The following GALK2 variants were observed in gnomAD, a reference collection of about 807,000 sequenced individuals.
The protein encoded by GALK2 is N-acetylgalactosamine kinase.
GALK2 carries 36 observed loss-of-function variants against 52.4 expected under a neutral mutation model. That is an observed-to-expected ratio of 0.69 (90% CI 0.53 to 0.91). The LOEUF is 0.91. Ranked by LOEUF, GALK2 falls within the 40% of genes least tolerant of loss-of-function variation. The probability of loss-of-function intolerance (pLI) is 0.00; values close to 1 mark genes in which losing one functional copy is unlikely to be tolerated. For synonymous variants in GALK2, 176 were observed against 199.1 expected, an observed-to-expected ratio of 0.88 and a Z score of 0.98; for missense variants, 579 against 559.1, an observed-to-expected ratio of 1.04 and a Z score of -0.36.
intron 5 of GALK2, among the ~76,000 whole-genome samples, chr15:49,270,504 CTCTT>C (rs1204003961): frequency 2.0e-5 from 3 of 152,160 alleles, no homozygotes; most frequent in Admixed American, 6.5e-5. Context: ...GTTCACATGA[CTCTT>C]TCTTATAATG....
At chr15:49,356,152 A>C (rs1434194053) in intron 3 of GALK2, among the ~76,000 whole-genome samples, 1 of 152,216 alleles carries the variant, frequency 6.6e-6, no homozygotes, top group Non-Finnish European at 1.5e-5. Flanking sequence ...AAATGTAAAG[A>C]CCATCGAGAC....
chr15:49,360,231 T>C (rs1223384020), intron 3 of GALK2, among the ~76,000 whole-genome samples: 4 of 106,122 alleles, frequency 3.8e-5, no homozygotes, highest in Non-Finnish European at 4.0e-5. Flanking sequence ...CTAAAACTTA[T>C]AGTATAAGGA....
At chr15:49,251,818 T>A (rs1258456898) in intron 5 of GALK2, among the ~76,000 whole-genome samples, 5 of 152,182 alleles carry the variant, frequency 3.3e-5, no homozygotes, top group African/African-American at 1.2e-4. Flanking sequence ...CTGTACTTCC[T>A]AAACATAAAA....
At chr15:49,222,456 A>G (rs973432960) in intron 3 of GALK2, among the ~76,000 whole-genome samples, 4 of 152,136 alleles carry the variant, frequency 2.6e-5, no homozygotes, top group Non-Finnish European at 5.9e-5. Context: ...GATATTGGTC[A>G]TCTTTTTTGG....
chr15:49,357,270 C>G (rs895254992), intron 3 of GALK2, among the ~76,000 whole-genome samples: 1 of 150,162 alleles, frequency 6.7e-6, no homozygotes, highest in African/African-American at 2.5e-5. Flanking sequence ...CACAAAAAAC[C>G]CTTCAAAAAA....
intron 3 of GALK2, among the ~76,000 whole-genome samples, chr15:49,355,499 GATGAA>G (rs2042995842): frequency 6.6e-6 from 1 of 152,148 alleles, no homozygotes; most frequent in South Asian, 2.1e-4. Context: ...AGCGATGGAA[GATGAA>G]ATGAATGAAA....
chr15:49,302,995 A>AC, intron 8 of GALK2, among the ~76,000 whole-genome samples: 1 of 152,216 alleles, frequency 6.6e-6, no homozygotes. Context: ...TTGTTTTGGA[A>AC]GTCAAGTTTG....
chr15:49,228,524 A>G (rs897374773), intron 3 of GALK2, among the ~76,000 whole-genome samples: 2 of 149,036 alleles, frequency 1.3e-5, no homozygotes, highest in African/African-American at 5.0e-5. Flanking sequence ...TTTCAAATGC[A>G]TGTTTTATTT....
At chr15:49,160,448 T>C (rs2084612332) in intron 1 of GALK2, among the ~76,000 whole-genome samples, 1 of 152,110 alleles carries the variant, frequency 6.6e-6, no homozygotes, top group Admixed American at 6.5e-5. Flanking sequence ...TAGTTCTGAG[T>C]GGCATTCAGA....
chr15:49,169,700 C>T (rs116414914), upstream of GALK2, among the ~76,000 whole-genome samples: 266 of 152,234 alleles, frequency 1.7e-3, 2 homozygotes, highest in South Asian at 0.01. Flanking sequence ...CATGTGTTTC[C>T]GTCTTTTCAC....
intron 1 of GALK2, among the ~76,000 whole-genome samples, chr15:49,157,878 A>G (rs2084512964): frequency 6.6e-6 from 1 of 152,144 alleles, no homozygotes; most frequent in Non-Finnish European, 1.5e-5. Flanking sequence ...TTGGGAGACT[A>G]TGTCCTCTTT....
chr15:49,221,297 T>C (rs955399220), intron 3 of GALK2, among the ~76,000 whole-genome samples: 1 of 152,134 alleles, frequency 6.6e-6, no homozygotes, highest in Non-Finnish European at 1.5e-5. Context: ...TGCATATGGG[T>C]ATTGAGTTTT....
upstream of GALK2, among the ~76,000 whole-genome samples, chr15:49,167,723 T>A (rs7183899): frequency 0.068 from 10,331 of 152,246 alleles, 741 homozygotes; most frequent in African/African-American, 0.17. Context: ...CTTCTTGAAA[T>A]TGAAAAGGAA....
intron 3 of GALK2, among the ~76,000 whole-genome samples, chr15:49,218,849 A>G (rs1207913795): frequency 1.3e-5 from 2 of 152,132 alleles, no homozygotes; most frequent in African/African-American, 4.8e-5. Flanking sequence ...TTATTGAGAC[A>G]GGGTCTCACC....
chr15:49,206,417 G>C lies in GALK2; in HGVS notation c.142+5167G>C, dbSNP rs992640793. Among the ~76,000 whole-genome samples the C allele has an allele frequency of 2.0e-4, 31 of 152,056 alleles. 1 individual carries two copies. The East Asian group carries it at 3.5e-3, about 17-fold the overall frequency. ...TTGAATTTGTAGATTGCTTTTGGCA[G>C]TATGGTCATTTTCACAATATTGATT... On this transcript the variant is annotated intron_variant, in intron 2 of 9. Transcript: ENST00000560031.
intron 7 of GALK2, among the ~76,000 whole-genome samples, chr15:49,291,621 T>C (rs1366433844): frequency 6.6e-6 from 1 of 152,190 alleles, no homozygotes; most frequent in African/African-American, 2.4e-5. Context: ...GACAGAAATA[T>C]ATTCTGGATT....
chr15:49,171,460 G>T (rs2085090734), intron 1 of GALK2, among the ~76,000 whole-genome samples: 1 of 152,022 alleles, frequency 6.6e-6, no homozygotes, highest in African/African-American at 2.4e-5. Flanking sequence ...CCTACTTGGT[G>T]GTTTATTACC....
intron 3 of GALK2, among the ~76,000 whole-genome samples, chr15:49,342,619 T>C (rs2040904599): frequency 6.6e-6 from 1 of 152,204 alleles, no homozygotes; most frequent in African/African-American, 2.4e-5. Flanking sequence ...CATTGGTTTA[T>C]AGTATCTGTG....
At chr15:49,276,322 G>A (rs1340163749) in intron 5 of GALK2, among the ~76,000 whole-genome samples, 7 of 148,608 alleles carry the variant, frequency 4.7e-5, no homozygotes, top group Non-Finnish European at 7.5e-5. Flanking sequence ...GTTTGTGTTT[G>A]TGGGGTACAG....
Sources: allele counts gnomAD v4.1 joint callset (sites outside exome capture counted in the v4.1 genomes callset), GRCh38; gene constraint gnomAD v4.1.1; transcripts MANE v1.5; gene names NCBI Gene and HGNC (gene_info 2026-07-23, HGNC 2026-07-21).